The following CAMK2B variants were observed in gnomAD, a reference collection of about 807,000 sequenced individuals.
CAMK2B encodes the protein calcium/calmodulin dependent protein kinase II beta, also known as calcium/calmodulin-dependent protein kinase type II subunit beta.
A neutral mutation model predicts 93.7 loss-of-function variants in CAMK2B; 27 were observed. That is an observed-to-expected ratio of 0.29 (90% CI 0.21 to 0.40). The LOEUF (loss-of-function observed/expected upper bound fraction) is 0.40. Among genes scored for constraint, CAMK2B ranks in the 10% least tolerant of loss-of-function variants. The probability of loss-of-function intolerance (pLI) is 1.00; values close to 1 mark genes in which losing one functional copy is unlikely to be tolerated. For missense variants in CAMK2B, 568 were observed against 895.8 expected (o/e 0.63, Z 4.67); for synonymous variants, 374 against 358.8 (o/e 1.04, Z -0.48).
At chr7:44,252,120 C>T (rs1036313344) in intron 5 of CAMK2B, among the ~76,000 whole-genome samples, 4 of 152,096 alleles carry the variant, frequency 2.6e-5, no homozygotes, top group African/African-American at 7.2e-5. Flanking sequence ...AAGTCAAGGC[C>T]GCGCCTGTGG....
Position 44,325,365 on chromosome 7 carries a change from A to G in CAMK2B, c.57T>C (p.Asp19=). Residue 19 remains aspartate, a synonymous_variant, in exon 1 of 24, where the codon GAT becomes GAC. Transcript: ENST00000395749. The part of the protein sequence containing the change: ...RFTDEYQLYE[D]IGKGAFSVVR... ...CGCGCCGCTGCTCTTACTTGCCAAT[A>G]TCCTCGTAGAGCTGGTACTCGTCGG... 1.6e-6 allele frequency: 2 copies of G among 1,254,008 alleles called. No homozygotes were observed. The highest frequency in any genetic ancestry group is 1.0e-6 in the Non-Finnish European group (1 of 969,524). The allele number at this position is 1,254,008 out of a possible 1,614,324, so 77.7% of individuals were successfully genotyped here.
At chr7:44,260,965 A>G (rs1338396803) in intron 3 of CAMK2B, among the ~76,000 whole-genome samples, 1 of 152,190 alleles carries the variant, frequency 6.6e-6, no homozygotes, top group African/African-American at 2.4e-5. Context: ...GCCTCTGCCA[A>G]GCAGGGACTC....
intron 13 of CAMK2B, among the ~76,000 whole-genome samples, chr7:44,235,835 C>T (rs145002541): frequency 1.9e-3 from 291 of 152,336 alleles, no homozygotes; most frequent in African/African-American, 6.2e-3. Context: ...CCTCCCCCAC[C>T]GCCTGGCTCC....
rs890733301 is a variant in CAMK2B at position 44,232,717 on chromosome 7, A to T, written c.1176+105T>A. On this transcript the variant is annotated intron_variant, in intron 16 of 23. Transcript: ENST00000395749. ...TACTGCGGGGAGGGGCGGCCAGGGC[A>T]TGGGACATCTGCCCTCCACTCTGGC... 2.9e-6 allele frequency: 3 copies of T among 1,040,822 alleles called. No individual in the cohort carries two copies. In the Admixed American group the frequency reaches 5.7e-5, roughly 20 times the overall value. The allele number at this position is 1,040,822 out of a possible 1,614,324, so 64.5% of individuals were successfully genotyped here. A position where few individuals can be genotyped will look rare whatever the true frequency, so the allele number is the denominator to read the frequency against.
intron 19 of CAMK2B, among the ~76,000 whole-genome samples, chr7:44,228,552 C>T (rs890927444): frequency 2.0e-5 from 3 of 152,094 alleles, no homozygotes; most frequent in South Asian, 2.1e-4. Flanking sequence ...GGCTGGACAG[C>T]GAGCGGGGAG....
chr7:44,242,796 C>A, intron 8 of CAMK2B, 142 bp from the exon 9 acceptor site: 1 of 639,766 alleles, frequency 1.6e-6, no homozygotes, highest in Admixed American at 2.4e-5. Context: ...CCCACCTGTG[C>A]AGCAGACACT....
chr7:44,241,629 G>A (rs1373219254), intron 11 of CAMK2B, 71 bp downstream of exon 11: 1 of 1,241,222 alleles, frequency 8.1e-7, no homozygotes, highest in South Asian at 1.2e-5. Flanking sequence ...ACCCCCCAAG[G>A]CCCCCCTGCT....
chr7:44,277,128 G>A (rs928938988), intron 2 of CAMK2B, among the ~76,000 whole-genome samples: 2 of 152,176 alleles, frequency 1.3e-5, no homozygotes, highest in African/African-American at 4.8e-5. Context: ...CAAAAGAACA[G>A]CCGTTCATTG....
intron 11 of CAMK2B, among the ~76,000 whole-genome samples, chr7:44,241,072 G>A (rs1359500522): frequency 6.6e-6 from 1 of 152,174 alleles, no homozygotes; most frequent in Non-Finnish European, 1.5e-5. Context: ...CCAGCTCCCT[G>A]ACAGCCCCTT....
intron 2 of CAMK2B, among the ~76,000 whole-genome samples, 178 bp from the exon 3 acceptor site, chr7:44,263,242 G>A (rs1485202406): frequency 6.6e-6 from 1 of 152,230 alleles, no homozygotes; most frequent in Non-Finnish European, 1.5e-5. Flanking sequence ...GGCAAGGCTG[G>A]GGCAGGGACC....
chr7:44,291,361 G>A (rs1003395560), intron 1 of CAMK2B, among the ~76,000 whole-genome samples: 9 of 152,096 alleles, frequency 5.9e-5, no homozygotes, highest in Admixed American at 3.3e-4. Context: ...CCATCCTACC[G>A]CCCCACTGGC....
rs545815965 is a variant in CAMK2B, at chr7:44,225,111, G to A, written c.1597+1405C>T. ...GCCCCTGAAGGTGAGCCTGGACACC[G>A]AGCCCCGAGCTGGCCACTCCACACC... On this transcript the variant is annotated intron_variant, in intron 20 of 23. Coordinates refer to ENST00000395749, the MANE Select transcript of CAMK2B (RefSeq NM_001220.5). The surrounding 1 kb of genome is among the most constrained non-coding windows in gnomAD (Gnocchi z 5.0). 4.6e-5 allele frequency among the ~76,000 whole-genome samples: 7 copies of A among 151,982 alleles called. No individual in the cohort carries two copies. Among genetic ancestry groups the A allele is most frequent in the Non-Finnish European group, 8.8e-5 (6 of 67,956 alleles).
intron 4 of CAMK2B, among the ~76,000 whole-genome samples, chr7:44,256,310 C>T (rs116286117): frequency 0.01 from 1,529 of 152,320 alleles, 18 homozygotes; most frequent in African/African-American, 0.032. Flanking sequence ...CCTGTGTGTG[C>T]CCTTGTGTAC....
At chr7:44,252,171 G>A (rs1164188163) in intron 5 of CAMK2B, among the ~76,000 whole-genome samples, 1 of 152,068 alleles carries the variant, frequency 6.6e-6, no homozygotes, top group Non-Finnish European at 1.5e-5. Context: ...AACTGGCCTG[G>A]TGTGATGAGG....
chr7:44,301,318 T>C (rs1397170939), intron 1 of CAMK2B, among the ~76,000 whole-genome samples: 2 of 152,152 alleles, frequency 1.3e-5, no homozygotes, highest in Non-Finnish European at 2.9e-5. Flanking sequence ...TTGTTTGTTT[T>C]TAGAAACAGG....
intron 20 of CAMK2B, among the ~76,000 whole-genome samples, chr7:44,223,046 C>T (rs540586610): frequency 6.6e-6 from 1 of 152,304 alleles, no homozygotes; most frequent in African/African-American, 2.4e-5. Flanking sequence ...TGTGTGTACA[C>T]GTGATTGTGC....
chr7:44,240,684 C>T (rs751867900), intron 12 of CAMK2B, 23 bp downstream of exon 12: 1 of 1,613,398 alleles, frequency 6.2e-7, no homozygotes, highest in East Asian at 2.2e-5. Flanking sequence ...CAGCGCCTGT[C>T]TCCCTGGAGA....
At chr7:44,313,281 A>G (rs553404053) in intron 1 of CAMK2B, among the ~76,000 whole-genome samples, 8 of 152,228 alleles carry the variant, frequency 5.3e-5, no homozygotes, top group East Asian at 1.9e-4. Flanking sequence ...CCACACTGCA[A>G]TGGAAGTCGT....
chr7:44,255,782 T>A (rs1472949999), intron 4 of CAMK2B, among the ~76,000 whole-genome samples: 8 of 152,142 alleles, frequency 5.3e-5, no homozygotes, highest in Non-Finnish European at 1.5e-5. Flanking sequence ...CACATGTGGG[T>A]GCTCTCTCAG....
Sources: gnomAD v4.1 joint callset for allele counts (sites outside exome capture counted in the v4.1 genomes callset) on GRCh38, gnomAD v4.1.1 for gene constraint, Gnocchi (gnomAD v3.1) non-coding constraint, MANE v1.5 for transcripts, NCBI Gene and HGNC (gene_info 2026-07-23, HGNC 2026-07-21) for gene names.